SPATA16: variants seen among roughly 807,000 people sequenced by gnomAD.
The protein encoded by SPATA16 is spermatogenesis associated 16, also known as spermatogenesis-associated protein 16.
Under a neutral mutation model 63.3 loss-of-function variants are expected in SPATA16, and 36 were observed. The observed-to-expected ratio is 0.57, with a 90% confidence interval of 0.44 to 0.75. The LOEUF is 0.75. SPATA16 is among the 30% of genes least tolerant of loss of function. The pLI, the probability that SPATA16 is intolerant of heterozygous loss-of-function variation, is 0.00. For synonymous variants in SPATA16, 203 were observed against 216.7 expected (o/e 0.94, Z 0.56); for missense variants, 646 against 679.3 (o/e 0.95, Z 0.54).
intron 2 of SPATA16, among the ~76,000 whole-genome samples, chr3:173,092,917 G>A (rs1311299740): frequency 1.3e-5 from 2 of 151,930 alleles, no homozygotes; most frequent in African/African-American, 4.8e-5. Context: ...GAGAGTTCCT[G>A]TCTTCTTTTT....
At chr3:172,903,397 C>A (rs1203184498) in intron 10 of SPATA16, among the ~76,000 whole-genome samples, 1 of 152,156 alleles carries the variant, frequency 6.6e-6, no homozygotes, top group African/African-American at 2.4e-5. Context: ...TTAGTCACTT[C>A]CATAAATTAG....
At chr3:172,892,540 G>A (rs1022950700) in intron 10 of SPATA16, among the ~76,000 whole-genome samples, 2 of 152,184 alleles carry the variant, frequency 1.3e-5, no homozygotes, top group African/African-American at 4.8e-5. Context: ...AGCAAAGTAA[G>A]TCAATTTTAG....
chr3:172,932,297 A>G (rs776505047), intron 6 of SPATA16, among the ~76,000 whole-genome samples: 1 of 152,180 alleles, frequency 6.6e-6, no homozygotes, highest in African/African-American at 2.4e-5. Flanking sequence ...GTTGGGGTCT[A>G]TCATTACTTT....
At chr3:173,103,833 C>G (rs1560124127) in intron 2 of SPATA16, among the ~76,000 whole-genome samples, 1 of 152,220 alleles carries the variant, frequency 6.6e-6, no homozygotes, top group Non-Finnish European at 1.5e-5. Flanking sequence ...CCTTTCCTGA[C>G]AATGCTTTTT....
chr3:172,973,918 T>C (rs1464448008), intron 5 of SPATA16, among the ~76,000 whole-genome samples: 1 of 152,128 alleles, frequency 6.6e-6, no homozygotes, highest in African/African-American at 2.4e-5. Context: ...GCAAGTACAG[T>C]CATGACAAGT....
rs545503509 is a variant in SPATA16 at position 172,999,692 on chromosome 3, G to A, written c.848+19794C>T. ...GCCTCCCAAAGTGCTGGGATTACAG[G>A]CGTGAGCCACTGCGCCTGGCCCCCT... On this transcript the variant is annotated intron_variant, in intron 4 of 10. Transcript: ENST00000351008. Among the ~76,000 whole-genome samples, 244 of 152,264 alleles carry A rather than the reference G, an allele frequency of 1.6e-3. 1 individual carries two copies. Among genetic ancestry groups the A allele is most frequent in the Non-Finnish European group, 2.8e-3 (188 of 68,018 alleles).
At chr3:173,050,371 T>C (rs1024278674) in intron 2 of SPATA16, among the ~76,000 whole-genome samples, 1 of 152,110 alleles carries the variant, frequency 6.6e-6, no homozygotes, top group African/African-American at 2.4e-5. Flanking sequence ...TGGAGATTCA[T>C]ATTGTTCTTA....
intron 6 of SPATA16, among the ~76,000 whole-genome samples, chr3:172,949,241 ATAAAT>A (rs776795023): frequency 6.6e-6 from 1 of 152,176 alleles, no homozygotes; most frequent in Non-Finnish European, 1.5e-5. Context: ...CAATAAATAA[ATAAAT>A]AAATGGGCTG....
chr3:172,927,999 T>C (rs1261954171), intron 6 of SPATA16, among the ~76,000 whole-genome samples: 1 of 152,076 alleles, frequency 6.6e-6, no homozygotes, highest in Non-Finnish European at 1.5e-5. Context: ...AAACTCCGCC[T>C]CCTGGGTTCA....
intron 6 of SPATA16, among the ~76,000 whole-genome samples, chr3:172,941,453 A>C (rs895927890): frequency 6.6e-6 from 1 of 152,252 alleles, no homozygotes; most frequent in Non-Finnish European, 1.5e-5. Flanking sequence ...AAAGCATCAG[A>C]GATAAAAGAA....
chr3:173,051,985 A>G (rs1736110642), intron 2 of SPATA16, among the ~76,000 whole-genome samples: 2 of 151,720 alleles, frequency 1.3e-5, no homozygotes, highest in African/African-American at 4.8e-5. Context: ...CTAATTTTGT[A>G]TTTTCAGCAG....
chr3:172,899,656 C>T (rs1476510230), intron 10 of SPATA16, among the ~76,000 whole-genome samples: 1 of 151,962 alleles, frequency 6.6e-6, no homozygotes, highest in Non-Finnish European at 1.5e-5. Flanking sequence ...AGACCTTAGT[C>T]TGCCATTTTA....
chr3:173,100,966 T>A (rs565088450), intron 2 of SPATA16, among the ~76,000 whole-genome samples: 4 of 152,318 alleles, frequency 2.6e-5, no homozygotes, highest in African/African-American at 9.6e-5. Flanking sequence ...TTTATCTTCA[T>A]AGCAGTTTAC....
At chr3:172,923,635 AGT>A (rs1341846510) in intron 8 of SPATA16, among the ~76,000 whole-genome samples, 1 of 152,206 alleles carries the variant, frequency 6.6e-6, no homozygotes, top group African/African-American at 2.4e-5. Context: ...GTAAAATAGC[AGT>A]GTAATTCAGG....
chr3:173,061,856 A>G (rs547443796), intron 2 of SPATA16, among the ~76,000 whole-genome samples: 1 of 152,318 alleles, frequency 6.6e-6, no homozygotes, highest in African/African-American at 2.4e-5. Flanking sequence ...AATTATATTC[A>G]TACATCAGTG....
At chr3:172,970,404 A>G (rs1330332240) in intron 5 of SPATA16, among the ~76,000 whole-genome samples, 1 of 152,162 alleles carries the variant, frequency 6.6e-6, no homozygotes, top group Non-Finnish European at 1.5e-5. Context: ...CAAATAAACT[A>G]ATTTTTACAA....
rs780686977 is a variant in SPATA16, at chr3:173,114,291, CAG to C, written c.612+2827_612+2828del. Among the ~76,000 whole-genome samples, 6 of 151,576 alleles carry C rather than the reference CAG, an allele frequency of 4.0e-5. No individual in the cohort carries two copies. In the East Asian group the frequency reaches 5.8e-4, roughly 15 times the overall value. ...CTATTTTCTCCTTCTTTCTCAGTAA[CAG>C]AACTTCAGAATGTTAGAGCCATCTG... On this transcript the variant is annotated intron_variant, in intron 2 of 10. Transcript: ENST00000351008.
At chr3:173,036,645 A>G (rs559036890) in intron 3 of SPATA16, among the ~76,000 whole-genome samples, 1 of 152,158 alleles carries the variant, frequency 6.6e-6, no homozygotes, top group East Asian at 1.9e-4. Flanking sequence ...TGTAGTATCA[A>G]AGAAGAATAT....
At chr3:172,919,721 A>G (rs1560066955) in intron 8 of SPATA16, among the ~76,000 whole-genome samples, 1 of 150,730 alleles carries the variant, frequency 6.6e-6, no homozygotes, top group East Asian at 1.9e-4. Context: ...TCTGTTGCAC[A>G]GGCTGGAGTG....
Sources: gnomAD v4.1 joint callset for allele counts (sites outside exome capture counted in the v4.1 genomes callset) on GRCh38, gnomAD v4.1.1 for gene constraint, MANE v1.5 for transcripts, NCBI Gene and HGNC (gene_info 2026-07-23, HGNC 2026-07-21) for gene names.